SERAC1: variants seen among roughly 807,000 people sequenced by gnomAD.
The protein encoded by SERAC1 is serine active site containing 1, also known as protein SERAC1.
A neutral mutation model predicts 85.7 loss-of-function variants in SERAC1; 36 were observed. The observed-to-expected ratio is 0.42, with a 90% CI of 0.32 to 0.55. SERAC1 has a LOEUF of 0.55. Among genes scored for constraint, SERAC1 ranks in the 20% least tolerant of loss-of-function variants. The pLI is 0.11. For missense variants in SERAC1, 629 were observed against 796.2 expected (o/e 0.79, Z 2.53); for synonymous variants, 242 against 265.3 (o/e 0.91, Z 0.85).
chr6:158,111,764 G>C, intron 16 of SERAC1: 1 of 250,156 alleles, frequency 4.0e-6, no homozygotes, highest in East Asian at 7.8e-5. Flanking sequence ...CCTTATTTCA[G>C]AGCAAGCAGA....
chr6:158,125,203 T>G (rs952711764), intron 10 of SERAC1, among the ~76,000 whole-genome samples: 1 of 152,182 alleles, frequency 6.6e-6, no homozygotes, highest in Non-Finnish European at 1.5e-5. Flanking sequence ...TTGAAGTGAT[T>G]GCTATCCCAA....
chr6:158,162,149 A>C (rs1397394846), intron 1 of SERAC1: 2 of 152,218 alleles, frequency 1.3e-5, no homozygotes, highest in Non-Finnish European at 2.9e-5. Context: ...TCTTCTTACC[A>C]TTCCTGATTA....
At chr6:158,112,490 TTGG>T (rs1784171266) in intron 16 of SERAC1, 1 of 152,120 alleles carries the variant, frequency 6.6e-6, no homozygotes, top group Non-Finnish European at 1.5e-5. Flanking sequence ...CAGCTGTTCT[TTGG>T]AACTCTTCAA....
Position 158,120,369 on chromosome 6 carries a change from G to A in SERAC1, c.1166+56C>T. On this transcript the variant is annotated intron_variant, in intron 11 of 16. Coordinates refer to ENST00000647468, the MANE Select transcript of SERAC1 (RefSeq NM_032861.4). This position sits in a 1 kb window ranked among gnomAD's most constrained non-coding sequence, Gnocchi z 4.4. ...TGCAGAAATAAGTTAAAAATTTGAG[G>A]CCTCTAGGCTTCACATTTCCAAAGG... 1 of 1,478,946 alleles carries A rather than the reference G, an allele frequency of 6.8e-7. No homozygotes were observed. The highest frequency in any genetic ancestry group is 2.4e-5 in the East Asian group (1 of 41,710). The allele number at this position is 1,478,946 out of a possible 1,614,324, so 91.6% of individuals were successfully genotyped here.
intron 1 of SERAC1, among the ~76,000 whole-genome samples, chr6:158,160,259 GGAAC>G (rs1481817639): frequency 1.3e-5 from 2 of 151,666 alleles, no homozygotes; most frequent in African/African-American, 4.8e-5. Flanking sequence ...TGAGTCCCTA[GGAAC>G]GAAGAACTGT....
At chr6:158,114,666 T>C in intron 15 of SERAC1, 123 bp downstream of exon 15, 1 of 545,084 alleles carries the variant, frequency 1.8e-6, no homozygotes, top group Non-Finnish European at 2.4e-6. Flanking sequence ...CCATGAATAG[T>C]CTAAACACAA....
intron 4 of SERAC1, 84 bp downstream of exon 4, chr6:158,150,368 TA>T: frequency 9.1e-7 from 1 of 1,096,762 alleles, no homozygotes; most frequent in Non-Finnish European, 1.3e-6. Context: ...TCTGTATTAC[TA>T]ATACTGTGTT....
chr6:158,126,976 C>T (rs1415727324), intron 10 of SERAC1, among the ~76,000 whole-genome samples: 2 of 151,772 alleles, frequency 1.3e-5, no homozygotes, highest in African/African-American at 4.8e-5. Flanking sequence ...TCCATTGAGC[C>T]TAGGAGTTTA....
chr6:158,114,439 C>CATT (rs1784226265), intron 15 of SERAC1: 1 of 1,026,412 alleles, frequency 9.7e-7, no homozygotes, highest in African/African-American at 1.7e-5. Context: ...CTCAAAGTTT[C>CATT]ATTTACATTT....
chr6:158,146,389 C>A (rs1785055596), intron 6 of SERAC1: 1 of 162,402 alleles, frequency 6.2e-6, no homozygotes, highest in African/African-American at 2.5e-5. Flanking sequence ...CTCACTCCCA[C>A]TCCCTTGTCT....
At chr6:158,128,348 G>A (rs1784595809) in intron 9 of SERAC1, 78 bp from the exon 10 acceptor site, 1 of 1,432,412 alleles carries the variant, frequency 7.0e-7, no homozygotes, top group Admixed American at 1.8e-5. Context: ...TGGTCATGGG[G>A]ACAGCTAGGT....
At chr6:158,147,007 C>T in intron 5 of SERAC1, 94 bp from the exon 6 acceptor site, 3 of 1,303,722 alleles carry the variant, frequency 2.3e-6, no homozygotes, top group Admixed American at 4.0e-5. Context: ...CTGAAATCTA[C>T]AATTGGAGAG....
At chr6:158,165,730 A>T (rs953199758) in intron 1 of SERAC1, among the ~76,000 whole-genome samples, 2 of 152,138 alleles carry the variant, frequency 1.3e-5, no homozygotes, top group African/African-American at 4.8e-5. Context: ...GTTGCCCTTG[A>T]TTCCTTGTTT....
chr6:158,114,701 T>C, intron 15 of SERAC1, 88 bp downstream of exon 15: 1 of 1,592,180 alleles, frequency 6.3e-7, no homozygotes, highest in East Asian at 2.2e-5. Context: ...TAAAATGAGA[T>C]AATACATTCA....
At chr6:158,129,686 GTTTTTTTTTGTTTTGT>G (rs1350324954) in intron 9 of SERAC1, among the ~76,000 whole-genome samples, 3 of 136,990 alleles carry the variant, frequency 2.2e-5, no homozygotes, top group South Asian at 2.5e-4. Context: ...ATATTTCCTT[GTTTTTTTTTGTTTTGT>G]TTTTTTTTTT....
intron 8 of SERAC1, among the ~76,000 whole-genome samples, chr6:158,136,928 G>A (rs1784807578): frequency 6.6e-6 from 1 of 152,156 alleles, no homozygotes; most frequent in Non-Finnish European, 1.5e-5. Flanking sequence ...GGGAGGCCAA[G>A]GCAGGCGGAT....
chr6:158,162,368 C>G (rs1785507288), intron 1 of SERAC1, among the ~76,000 whole-genome samples: 1 of 152,186 alleles, frequency 6.6e-6, no homozygotes, highest in Non-Finnish European at 1.5e-5. Flanking sequence ...CTTATCATTA[C>G]TATCAATATT....
rs771953210 is a variant in SERAC1 at position 158,116,266 on chromosome 6, T to G, written c.1420A>C (p.Arg474=). ...AGCTTCCTAAGAAGTTCGTTGCTTC[T>G]GAATGCAATGGACTTTCTGAACAAA... ...CPMERKSIAF[R]SNELLRKLRA... is the part of the protein sequence containing the mutation. The change falls in exon 14 of 17, where the codon AGA becomes CGA. Residue 474 remains arginine, a synonymous_variant. Coordinates refer to ENST00000647468, the MANE Select transcript of SERAC1 (RefSeq NM_032861.4). 2 of 1,614,064 alleles carry G rather than the reference T, an allele frequency of 1.2e-6. No individual in the cohort carries two copies. Among genetic ancestry groups the G allele is most frequent in the Non-Finnish European group, 1.7e-6 (2 of 1,179,940 alleles).
At chr6:158,129,643 GCTACAGTTACA>G (rs1784622963) in intron 9 of SERAC1, among the ~76,000 whole-genome samples, 1 of 151,462 alleles carries the variant, frequency 6.6e-6, no homozygotes, top group Non-Finnish European at 1.5e-5. Context: ...ATTGATATAT[GCTACAGTTACA>G]CTTCAAGAGT....
Sources: allele counts gnomAD v4.1 joint callset (sites outside exome capture counted in the v4.1 genomes callset), GRCh38; gene constraint gnomAD v4.1.1; non-coding constraint Gnocchi (gnomAD v3.1); transcripts MANE v1.5; gene names NCBI Gene and HGNC (gene_info 2026-07-23, HGNC 2026-07-21).